ZNF503: variants seen among roughly 807,000 people sequenced by gnomAD.
The protein encoded by ZNF503 is zinc finger protein 503.
A neutral mutation model predicts 34.4 loss-of-function variants in ZNF503; 15 were observed. That is an observed-to-expected ratio of 0.44 (90% CI 0.29 to 0.67). ZNF503 has a LOEUF of 0.67. Ranked by LOEUF, ZNF503 falls within the 30% of genes least tolerant of loss-of-function variation. The pLI is 0.13. For synonymous variants in ZNF503, 580 were observed against 456.8 expected, an observed-to-expected ratio of 1.27 and a Z score of -3.44; for missense variants, 1,007 against 926.8, an observed-to-expected ratio of 1.09 and a Z score of -1.12.
chr10:75,401,044 A>G (rs769254689), intron 1 of ZNF503, 61 bp downstream of exon 1: 5 of 1,608,340 alleles, frequency 3.1e-6, no homozygotes, highest in Non-Finnish European at 4.2e-6. Flanking sequence ...CGAGAAAAAG[A>G]AAGCCCTAGG....
At chr10:75,302,168 G>A in the ZNF503 span, among the ~76,000 whole-genome samples, 25 of 152,280 alleles carry the variant, frequency 1.6e-4, no homozygotes, top group South Asian at 4.4e-3. Context: ...TTCTTTTCAT[G>A]TAGCACTTTA....
At chr10:75,371,954 G>A in the ZNF503 span, among the ~76,000 whole-genome samples, 1 of 152,198 alleles carries the variant, frequency 6.6e-6, no homozygotes, top group Non-Finnish European at 1.5e-5. Context: ...TTTTGAGACA[G>A]AATCTCACTC....
At chr10:75,321,217 A>G in the ZNF503 span, among the ~76,000 whole-genome samples, 1 of 152,170 alleles carries the variant, frequency 6.6e-6, no homozygotes. Context: ...AGGCCTCCCC[A>G]GAAGCTGAGT....
chr10:75,387,179 G>C, the ZNF503 span, among the ~76,000 whole-genome samples: 1 of 152,362 alleles, frequency 6.6e-6, no homozygotes, highest in South Asian at 2.1e-4. Context: ...GAGAATCCCG[G>C]AATAACTGAA....
At chr10:75,382,290 C>G in the ZNF503 span, 1 of 244,424 alleles carries the variant, frequency 4.1e-6, no homozygotes, top group Admixed American at 4.3e-5. Context: ...TGTTATTTCA[C>G]AACATCAAAT....
the ZNF503 span, among the ~76,000 whole-genome samples, chr10:75,380,683 G>A: frequency 2.6e-5 from 4 of 152,168 alleles, no homozygotes; most frequent in African/African-American, 7.2e-5. Context: ...TTCCGCCTTT[G>A]GAAATAGAAT....
the ZNF503 span, among the ~76,000 whole-genome samples, chr10:75,377,597 G>T: frequency 6.6e-6 from 1 of 152,216 alleles, no homozygotes; most frequent in East Asian, 1.9e-4. Flanking sequence ...CAAGAGAGGT[G>T]CCTCTATTGA....
the ZNF503 span, among the ~76,000 whole-genome samples, chr10:75,326,056 C>T: frequency 3.3e-5 from 5 of 152,122 alleles, no homozygotes; most frequent in Admixed American, 1.3e-4. Context: ...GGTGCAAAAG[C>T]GATTGTAGTT....
At chr10:75,293,944 TCTC>T in the ZNF503 span, among the ~76,000 whole-genome samples, 1 of 152,136 alleles carries the variant, frequency 6.6e-6, no homozygotes, top group East Asian at 1.9e-4. Flanking sequence ...CCAGGGCTCT[TCTC>T]TGAGCCCTCA....
chr10:75,313,284 A>G, the ZNF503 span, among the ~76,000 whole-genome samples: 6 of 152,188 alleles, frequency 3.9e-5, no homozygotes, highest in African/African-American at 1.4e-4. Flanking sequence ...GACACGTTCC[A>G]ACACACCACT....
the ZNF503 span, among the ~76,000 whole-genome samples, chr10:75,371,120 G>A: frequency 6.6e-6 from 1 of 152,190 alleles, no homozygotes; most frequent in Non-Finnish European, 1.5e-5. Context: ...TCAGAGGTTA[G>A]GATCTGAGAG....
chr10:75,399,094 G>A lies in ZNF503; in HGVS notation c.1596C>T (p.Ser532=), dbSNP rs772667788. 4.3e-6 allele frequency: 7 copies of A among 1,613,594 alleles called. No individual in the cohort carries two copies. The East Asian group carries it at 1.1e-4, about 26-fold the overall frequency. The change falls in exon 2 of 2, where the codon TCC becomes TCT. Residue 532 remains serine (S), a synonymous_variant. Coordinates refer to ENST00000372524, the MANE Select transcript of ZNF503 (RefSeq NM_032772.6). ...NGPCDKRFAT[S]EELLSHLRTH... ...TCCGCAAGTGGCTCAGCAGCTCTTC[G>A]GACGTGGCGAAGCGCTTGTCGCACG...
chr10:75,398,158 TG>T lies in ZNF503; in HGVS notation c.*590del, dbSNP rs201136781. 1 of 152,064 alleles carries T rather than the reference TG, an allele frequency of 6.6e-6. No homozygotes were observed. The highest frequency in any genetic ancestry group is 2.4e-5 in the African/African-American group (1 of 40,904). The allele number at this position is 152,064 out of a possible 1,614,324, so 9.4% of individuals were successfully genotyped here. On this transcript the variant is annotated 3_prime_UTR_variant, in exon 2 of 2. Transcript: ENST00000372524. ...TTGTGACTTTTTTTTTCATTTTTTT[TG>T]TAACAAACATGCATGTAAATTTGTG... is the stretch of plus-strand genomic sequence containing the variant.
the ZNF503 span, among the ~76,000 whole-genome samples, chr10:75,323,284 G>A: frequency 2.8e-4 from 43 of 152,246 alleles, no homozygotes; most frequent in East Asian, 4.8e-3. Flanking sequence ...AGACCTCTGG[G>A]TTACTCCCAG....
the ZNF503 span, among the ~76,000 whole-genome samples, chr10:75,343,938 G>A: frequency 0.012 from 1,801 of 152,360 alleles, 19 homozygotes; most frequent in African/African-American, 0.025. Flanking sequence ...CAGGCAGACT[G>A]TACGGGGGCC....
the ZNF503 span, among the ~76,000 whole-genome samples, chr10:75,390,301 T>C: frequency 6.6e-6 from 1 of 151,768 alleles, no homozygotes; most frequent in African/African-American, 2.4e-5. Flanking sequence ...TATTTCCATC[T>C]CTCTTTCCCA....
At chr10:75,400,735 G>A (rs952317672) in intron 1 of ZNF503, among the ~76,000 whole-genome samples, 1 of 152,216 alleles carries the variant, frequency 6.6e-6, no homozygotes, top group African/African-American at 2.4e-5. Flanking sequence ...AAGGGCTCGG[G>A]CGGCTGGCGC....
the ZNF503 span, among the ~76,000 whole-genome samples, chr10:75,339,154 C>G: frequency 6.6e-6 from 1 of 152,140 alleles, no homozygotes; most frequent in African/African-American, 2.4e-5. Flanking sequence ...TTGCTTGAAC[C>G]TGGGAGGTGG....
the ZNF503 span, among the ~76,000 whole-genome samples, chr10:75,391,383 C>T: frequency 4.6e-5 from 7 of 152,218 alleles, no homozygotes; most frequent in Middle Eastern, 6.8e-3. Context: ...GCAGCCATCT[C>T]GGACTCAGAG....
Sources: gnomAD v4.1 joint callset for allele counts (sites outside exome capture counted in the v4.1 genomes callset) on GRCh38, gnomAD v4.1.1 for gene constraint, MANE v1.5 for transcripts, NCBI Gene and HGNC (gene_info 2026-07-23, HGNC 2026-07-21) for gene names.